GPN3: variants seen among roughly 807,000 people sequenced by gnomAD.
The protein encoded by GPN3 is ATP-binding domain 1 family member C.
Under a neutral mutation model 38.7 loss-of-function variants are expected in GPN3, and 31 were observed. That is an observed-to-expected ratio of 0.80 (90% CI 0.60 to 1.08). GPN3 has a LOEUF of 1.08. Ranked by LOEUF, GPN3 falls within the 50% of genes least tolerant of loss-of-function variation. GPN3 has a pLI of 0.00. For synonymous variants in GPN3, 116 were observed against 120.2 expected (o/e 0.96, Z 0.23); for missense variants, 301 against 354.4 (o/e 0.85, Z 1.21).
intron 2 of GPN3, among the ~76,000 whole-genome samples, chr12:110,463,793 A>C (rs1260557544): frequency 3.3e-5 from 5 of 151,362 alleles, no homozygotes; most frequent in African/African-American, 1.2e-4. Flanking sequence ...AAAAAAAAAA[A>C]AAAACCCCAA....
chr12:110,453,162 T>C, intron 7 of GPN3, 66 bp from the exon 8 acceptor site: 1 of 787,456 alleles, frequency 1.3e-6, no homozygotes, highest in Non-Finnish European at 2.2e-6. Context: ...TAGTATGTGT[T>C]TATATATTTT....
chr12:110,455,623 T>C lies in GPN3; in HGVS notation c.626A>G (p.Lys209Arg), dbSNP rs756555165. Residue 209 changes from lysine to arginine, a missense_variant, in exon 6 of 8, where the codon AAA becomes AGA. Physicochemically the swap from Lys to Arg is conservative, Grantham distance 26 (BLOSUM62 2). Coordinates refer to ENST00000228827, the MANE Select transcript of GPN3 (RefSeq NM_016301.4). ...LEDSTSDLRS[K>R]KFKKLTKAIC... ...AGCTTTAGTCAGTTTCTTGAATTTT[T>C]TGCTTCTTAAGTCACTTGTAGAATC... is the stretch of plus-strand genomic sequence containing the variant. 6.8e-7 allele frequency: 1 copy of C among 1,472,732 alleles called. No individual in the cohort carries two copies. The highest frequency in any genetic ancestry group is 9.5e-7 in the Non-Finnish European group (1 of 1,054,014). 91.2% of individuals were successfully genotyped at this position (1,472,732 alleles called of 1,614,324 possible).
At chr12:110,459,997 C>T in intron 2 of GPN3, 135 bp from the exon 3 acceptor site, 1 of 668,950 alleles carries the variant, frequency 1.5e-6, no homozygotes, top group South Asian at 1.9e-5. Context: ...ATGGCTTTTC[C>T]CTGTAGCAGT....
At chr12:110,467,474 T>C (rs2062641077) in intron 1 of GPN3, among the ~76,000 whole-genome samples, 1 of 152,234 alleles carries the variant, frequency 6.6e-6, no homozygotes, top group Non-Finnish European at 1.5e-5. Flanking sequence ...TTAAATGTTC[T>C]ATTTTTAGCT....
intron 3 of GPN3, 52 bp from the exon 4 acceptor site, chr12:110,457,686 T>G (rs2062560377): frequency 6.9e-7 from 1 of 1,457,824 alleles, no homozygotes; most frequent in Admixed American, 2.2e-5. Context: ...TGTTAAATCA[T>G]CAAGTTAGAG....
At chr12:110,461,108 C>T (rs117173376) in intron 2 of GPN3, 30,589 of 1,385,378 alleles carry the variant, frequency 0.022, 472 homozygotes, top group Non-Finnish European at 0.027. Flanking sequence ...CTTCAAGAAG[C>T]GTGCCCCTCA....
intron 6 of GPN3, among the ~76,000 whole-genome samples, chr12:110,454,856 T>C (rs2062538759): frequency 6.6e-6 from 1 of 151,064 alleles, no homozygotes; most frequent in Admixed American, 6.6e-5. Context: ...AGTCTTGCTG[T>C]TGTTGGACCG....
rs759413073 is a variant in GPN3, at chr12:110,453,747, G to A, written c.788C>T (p.Pro263Leu). ...ACACCCCAAACCAGAAATTACCTTTGGTTCTTTAAATTCTAGGTCTTCTCC... is the reference window on the plus strand; with the variant it reads ...ACACCCCAAACCAGAAATTACCTTTAGTTCTTTAAATTCTAGGTCTTCTCC... Reference protein sequence around the residue: ...QYGEDLEFKEPKEREDESSSM... With the variant: ...QYGEDLEFKELKEREDESSSM... The change falls in exon 7 of 8, where the codon CCA (proline) becomes CTA (leucine). Residue 263 changes from proline to leucine, a missense_variant. Transcript: ENST00000228827. 1 of 1,606,662 alleles carries A rather than the reference G, an allele frequency of 6.2e-7. No individual in the cohort carries two copies. The highest frequency in any genetic ancestry group is 1.7e-5 in the Admixed American group (1 of 59,890).
At position 110,458,878 on chromosome 12, in the gene GPN3, CCT is replaced by C; in HGVS notation, c.325+815_325+816del. Among the ~76,000 whole-genome samples, 1 of 152,238 alleles carries C rather than the reference CCT, an allele frequency of 6.6e-6. No homozygotes were observed. Among genetic ancestry groups the C allele is most frequent in the Non-Finnish European group, 1.5e-5 (1 of 68,006 alleles). ...TACCAGTCACACCTCATGACAATTG[CCT>C]CTTTGTTTATTATGCTCCAGCCACA... On this transcript the variant is annotated intron_variant, in intron 3 of 7. Transcript: ENST00000228827. This position sits in a 1 kb window ranked among gnomAD's most constrained non-coding sequence, Gnocchi z 4.4.
chr12:110,464,812 C>G (rs988349677), intron 2 of GPN3: 15 of 337,958 alleles, frequency 4.4e-5, no homozygotes, highest in Non-Finnish European at 8.0e-5. Context: ...TCAGGCTGGT[C>G]TCAAATTCCT....
At chr12:110,459,281 C>T (rs2062570888) in intron 3 of GPN3, among the ~76,000 whole-genome samples, 1 of 149,820 alleles carries the variant, frequency 6.7e-6, no homozygotes, top group Non-Finnish European at 1.5e-5. Context: ...CATTCTGTTG[C>T]CCAGGCTGGA....
At chr12:110,453,961 T>C in intron 6 of GPN3, 90 bp from the exon 7 acceptor site, 5 of 903,610 alleles carry the variant, frequency 5.5e-6, no homozygotes, top group Non-Finnish European at 6.8e-6. Flanking sequence ...TAACCATTTG[T>C]ACTTCTGAAT....
At chr12:110,465,060 C>T in intron 2 of GPN3, 46 bp downstream of exon 2, 3 of 961,958 alleles carry the variant, frequency 3.1e-6, no homozygotes, top group Non-Finnish European at 3.4e-6. Flanking sequence ...GCCTCCCCAG[C>T]CCTTACTGTT....
chr12:110,453,799 G>T lies in GPN3; in HGVS notation c.736C>A (p.Gln246Lys). The T allele has an allele frequency of 6.3e-7, 1 of 1,587,630 alleles. No individual in the cohort carries two copies. Among genetic ancestry groups the T allele is most frequent in the South Asian group, 1.1e-5 (1 of 90,552 alleles). ...TATTGAATGGCAAAATCAATATGCT[G>T]CAATACAATGTTCATGCTTTCTTCA... ...SDEESMNIVL[Q>K]HIDFAIQYGE... Residue 246 changes from glutamine (Q) to lysine (K), a missense_variant, in exon 7 of 8, where the codon CAG becomes AAG. By Grantham distance (53) the Gln-to-Lys change is moderately conservative. Transcript: ENST00000228827.
intron 1 of GPN3, among the ~76,000 whole-genome samples, chr12:110,466,733 T>C (rs1297395866): frequency 2.0e-5 from 3 of 151,826 alleles, no homozygotes; most frequent in African/African-American, 4.8e-5. Flanking sequence ...TGGGCTCAAG[T>C]GATCTGCTGG....
rs1211045688 is a variant in GPN3, at chr12:110,458,890, TTA to T, written c.325+803_325+804del. Among the ~76,000 whole-genome samples the T allele has an allele frequency of 6.6e-6, 1 of 152,252 alleles. No homozygotes were observed. Among genetic ancestry groups the T allele is most frequent in the African/African-American group, 2.4e-5 (1 of 41,470 alleles). ...CTCATGACAATTGCCTCTTTGTTTA[TTA>T]TGCTCCAGCCACACTGGCCTTTTCA... On this transcript the variant is annotated intron_variant, in intron 3 of 7. Coordinates refer to ENST00000228827, the MANE Select transcript of GPN3 (RefSeq NM_016301.4). The surrounding 1 kb of genome is among the most constrained non-coding windows in gnomAD (Gnocchi z 4.4).
chr12:110,453,996 AGAG>A (rs576718615), intron 6 of GPN3, 125 bp from the exon 7 acceptor site: 75 of 655,116 alleles, frequency 1.1e-4, no homozygotes, highest in Non-Finnish European at 1.7e-4. Flanking sequence ...GTTTACAGGA[AGAG>A]GAGGAGAAGG....
chr12:110,460,362 C>T (rs1052169786), intron 2 of GPN3, among the ~76,000 whole-genome samples: 2 of 152,166 alleles, frequency 1.3e-5, no homozygotes, highest in African/African-American at 4.8e-5. Flanking sequence ...CTCTTTAGTA[C>T]TTTTACATTA....
At position 110,459,723 on chromosome 12, in the gene GPN3, C is replaced by T. The variant is rs1351952465; in HGVS notation, c.297G>A (p.Glu99=). ...DWLENCLGHV[E]DDYILFDCPG... is the part of the protein sequence containing the mutation. The stretch of plus-strand genomic sequence containing the variant: ...GACAATCAAAAAGGATATAGTCGTC[C>T]TCTACATGGCCAAGACAGTTCTCCA... Residue 99 remains glutamate (E), a synonymous_variant, in exon 3 of 8, where the codon GAG becomes GAA. Transcript: ENST00000228827. 2.3e-5 allele frequency: 37 copies of T among 1,612,634 alleles called. No homozygotes were observed. Among genetic ancestry groups the T allele is most frequent in the Non-Finnish European group, 3.0e-5 (35 of 1,178,772 alleles).
Sources: gnomAD v4.1 joint callset for allele counts (sites outside exome capture counted in the v4.1 genomes callset) on GRCh38, gnomAD v4.1.1 for gene constraint, Gnocchi (gnomAD v3.1) non-coding constraint, MANE v1.5 for transcripts, NCBI Gene and HGNC (gene_info 2026-07-23, HGNC 2026-07-21) for gene names.